Variants in ZNF99 observed in about 807,000 individuals in gnomAD.
ZNF99 encodes zinc finger protein 99, also known as zinc finger protein ENSP00000375192.
In ZNF99, 8 loss-of-function variants were observed where a neutral mutation model predicts 12.8. The observed-to-expected ratio is 0.62, with a 90% CI of 0.37 to 1.13. The LOEUF (loss-of-function observed/expected upper bound fraction) is 1.13, where lower values mean the gene tolerates loss of function less well. ZNF99 is among the 50% of genes most tolerant of loss of function. The pLI is 0.02. For synonymous variants in ZNF99, 318 were observed against 319.0 expected (o/e 1.00, Z 0.03); for missense variants, 1,007 against 1,006.2 (o/e 1.00, Z -0.01).
rs527469999 is a variant in ZNF99 at position 22,754,380 on chromosome 19, A to G, written c.*2934T>C. ...AGACTCCATTTCAAAAAAAAAAAAA[A>G]AACTTTGCCACATTCTTCACATTTG... On this transcript the variant is annotated 3_prime_UTR_variant, in exon 4 of 4. Transcript: ENST00000596209. 5.5e-5 allele frequency: 23 copies of G among 421,254 alleles called. No individual in the cohort carries two copies. The highest frequency in any genetic ancestry group is 4.0e-4 in the South Asian group (23 of 57,206). 26.1% of individuals were successfully genotyped at this position (421,254 alleles called of 1,614,324 possible).
rs971919579 is a variant in ZNF99, at chr19:22,757,400, C to A, written c.2509G>T (p.Val837Leu). The change falls in exon 4 of 4, where the codon GTA becomes TTA. Residue 837 changes from valine (V) to leucine (L), a missense_variant. Val to Leu is a conservative substitution (Grantham distance 32, BLOSUM62 1). Transcript: ENST00000596209. ...GCAGGGTTTCTCTCCATATGAATTA[C>A]CTTATGTAAAGTAAGTTTTGAGGAC... The part of the protein sequence containing the change: ...QWSSKLTLHK[V>L]IHMERNPANV... The A allele has an allele frequency of 1.9e-5, 30 of 1,598,828 alleles. No individual in the cohort carries two copies. Among genetic ancestry groups the A allele is most frequent in the Non-Finnish European group, 2.6e-5 (30 of 1,173,946 alleles).
At chr19:22,776,215 G>A (rs1284639142) in intron 1 of ZNF99, among the ~76,000 whole-genome samples, 5 of 151,130 alleles carry the variant, frequency 3.3e-5, no homozygotes, top group African/African-American at 1.2e-4. Flanking sequence ...GCTGGGTGTG[G>A]TGGCAGGCGC....
Position 22,757,813 on chromosome 19 carries a change from T to G in ZNF99, c.2096A>C (p.His699Pro). The G allele has an allele frequency of 6.2e-7, 1 of 1,613,006 alleles. No homozygotes were observed. The highest frequency in any genetic ancestry group is 8.5e-7 in the Non-Finnish European group (1 of 1,179,654). ...FSALRKHKII[H>P]TGKKPYKCEE... is the part of the protein sequence containing the mutation. ...ACATTTGTAGGGTTTCTTTCCAGTA[T>G]GAATTATCTTATGTTTCCTAAGGGC... The change falls in exon 4 of 4, where the codon CAT becomes CCT. Residue 699 changes from histidine to proline, a missense_variant. Transcript: ENST00000596209.
intron 1 of ZNF99, among the ~76,000 whole-genome samples, chr19:22,776,964 G>C (rs1411753345): frequency 1.3e-5 from 2 of 151,942 alleles, no homozygotes; most frequent in Non-Finnish European, 2.9e-5. Context: ...TAAACAACAT[G>C]GCAAAACCCT....
chr19:22,781,058 T>C (rs1973381663), intron 1 of ZNF99, among the ~76,000 whole-genome samples: 1 of 152,180 alleles, frequency 6.6e-6, no homozygotes, highest in Non-Finnish European at 1.5e-5. Flanking sequence ...AAAAGGTAAA[T>C]GAAAATTTTT....
rs190007442 is a variant in ZNF99 at position 22,754,865 on chromosome 19, T to G, written c.*2449A>C. On this transcript the variant is annotated 3_prime_UTR_variant, in exon 4 of 4. Coordinates refer to ENST00000596209, the MANE Select transcript of ZNF99 (RefSeq NM_001080409.3). ...CGGGCAGATCACCAGAGGTCGGGAG[T>G]TCGAGACCAGCTTGACCAACATGGA... 6.4e-4 allele frequency: 117 copies of G among 182,164 alleles called. No individual in the cohort carries two copies. The East Asian group carries it at 9.7e-3, about 15-fold the overall frequency. The allele number at this position is 182,164 out of a possible 1,614,324, so 11.3% of individuals were successfully genotyped here.
intron 1 of ZNF99, among the ~76,000 whole-genome samples, chr19:22,773,325 A>G (rs1048816510): frequency 6.6e-6 from 1 of 152,206 alleles, no homozygotes; most frequent in Non-Finnish European, 1.5e-5. Context: ...AAACTCCACA[A>G]TAATAGAACA....
intron 2 of ZNF99, 41 bp from the exon 3 acceptor site, chr19:22,768,441 T>C: frequency 1.3e-6 from 2 of 1,526,752 alleles, no homozygotes; most frequent in Non-Finnish European, 1.8e-6. Context: ...TTGCTCATAT[T>C]CCCCAAATAA....
intron 3 of ZNF99, among the ~76,000 whole-genome samples, chr19:22,764,833 A>AAAT (rs1973187987): frequency 2.0e-5 from 3 of 152,064 alleles, no homozygotes; most frequent in Non-Finnish European, 4.4e-5. Context: ...AATAAATAAA[A>AAAT]AAACAGATGT....
chr19:22,775,424 C>T (rs1460361494), intron 1 of ZNF99, among the ~76,000 whole-genome samples: 1 of 152,110 alleles, frequency 6.6e-6, no homozygotes, highest in Non-Finnish European at 1.5e-5. Context: ...GAATTAAAGC[C>T]TTAAATGTAA....
chr19:22,767,689 CAAT>C (rs1435130342), intron 3 of ZNF99, among the ~76,000 whole-genome samples: 1 of 151,430 alleles, frequency 6.6e-6, no homozygotes, highest in Admixed American at 6.6e-5. Context: ...ACCCCATTTT[CAAT>C]AATAATAGAA....
chr19:22,767,028 C>T (rs1405280879), intron 3 of ZNF99, among the ~76,000 whole-genome samples: 2 of 148,946 alleles, frequency 1.3e-5, no homozygotes, highest in African/African-American at 5.0e-5. Flanking sequence ...CCAGGACTTT[C>T]GGAGGCCAAG....
chr19:22,758,687 A>C lies in ZNF99; in HGVS notation c.1222T>G (p.Trp408Gly), dbSNP rs1011339896. 1 of 1,610,966 alleles carries C rather than the reference A, an allele frequency of 6.2e-7. No individual in the cohort carries two copies. The highest frequency in any genetic ancestry group is 1.3e-5 in the African/African-American group (1 of 74,214). ...TTATGTACAGTAAGTTTTGAGGACC[A>C]CTTAAAAGCTTTACCACATTCTTCA... is the stretch of plus-strand genomic sequence containing the variant. ...KCEECGKAFKWSSKLTVHKVI... is the reference protein window; with the variant it reads ...KCEECGKAFKGSSKLTVHKVI... Residue 408 changes from tryptophan (W) to glycine (G), a missense_variant, in exon 4 of 4, where the codon TGG (tryptophan) becomes GGG (glycine). Transcript: ENST00000596209.
chr19:22,767,107 C>CA (rs35316902), intron 3 of ZNF99, among the ~76,000 whole-genome samples: 1,642 of 81,360 alleles, frequency 0.02, 16 homozygotes, highest in South Asian at 0.053. Flanking sequence ...CTGTCTCTAC[C>CA]AAAAAAAAAA....
intron 3 of ZNF99, among the ~76,000 whole-genome samples, chr19:22,759,970 C>A (rs190850657): frequency 6.6e-6 from 1 of 152,320 alleles, no homozygotes; most frequent in East Asian, 1.9e-4. Flanking sequence ...CAACTCAGCT[C>A]TTCCTGCTCC....
chr19:22,764,255 T>A (rs1220811043), intron 3 of ZNF99, among the ~76,000 whole-genome samples: 1 of 152,074 alleles, frequency 6.6e-6, no homozygotes, highest in Non-Finnish European at 1.5e-5. Flanking sequence ...TAGCCACATG[T>A]AGGAGAATAA....
intron 1 of ZNF99, among the ~76,000 whole-genome samples, chr19:22,775,797 G>A (rs1381259432): frequency 2.0e-5 from 3 of 152,224 alleles, no homozygotes; most frequent in African/African-American, 7.2e-5. Context: ...GGCTGAGGCG[G>A]GTGGATCACC....
chr19:22,752,930 C>T lies in ZNF99; in HGVS notation c.*4384G>A, dbSNP rs185263511. 3.2e-4 allele frequency: 48 copies of T among 152,146 alleles called. No homozygotes were observed. The highest frequency in any genetic ancestry group is 1.1e-3 in the African/African-American group (47 of 41,536). 9.4% of individuals were successfully genotyped at this position (152,146 alleles called of 1,614,324 possible). On this transcript the variant is annotated 3_prime_UTR_variant, in exon 4 of 4. Coordinates refer to ENST00000596209, the MANE Select transcript of ZNF99 (RefSeq NM_001080409.3). ...ATATTTTAAGTTAACCACAAAAAGCCTCTCCATTTAGATTTTTATCATGCA... is the reference window on the plus strand; with the variant it reads ...ATATTTTAAGTTAACCACAAAAAGCTTCTCCATTTAGATTTTTATCATGCA...
chr19:22,783,682 C>G (rs1271227766), intron 1 of ZNF99, among the ~76,000 whole-genome samples: 1 of 152,134 alleles, frequency 6.6e-6, no homozygotes, highest in East Asian at 1.9e-4. Flanking sequence ...CATTCATGAA[C>G]CCGCACCCGG....
Sources: allele counts gnomAD v4.1 joint callset (sites outside exome capture counted in the v4.1 genomes callset), GRCh38; gene constraint gnomAD v4.1.1; transcripts MANE v1.5; gene names NCBI Gene and HGNC (gene_info 2026-07-23, HGNC 2026-07-21).